KALRN: variants seen among roughly 807,000 people sequenced by gnomAD.
KALRN encodes kalirin.
In KALRN, 70 loss-of-function variants were observed where a neutral mutation model predicts 353.7. The observed-to-expected ratio is 0.20, with a 90% CI of 0.16 to 0.24. KALRN has a LOEUF of 0.24. Ranked by LOEUF, KALRN falls within the 10% of genes least tolerant of loss-of-function variation. The pLI is 1.00. For synonymous variants in KALRN, 1,391 were observed against 1,434.8 expected (o/e 0.97, Z 0.69); for missense variants, 2,791 against 3,756.7 (o/e 0.74, Z 6.72).
At chr3:124,594,782 C>T (rs1368828904) in intron 34 of KALRN, among the ~76,000 whole-genome samples, 1 of 152,108 alleles carries the variant, frequency 6.6e-6, no homozygotes, top group African/African-American at 2.4e-5. Flanking sequence ...TTTATCTCTC[C>T]TCCCCAGGAG....
intron 37 of KALRN, among the ~76,000 whole-genome samples, chr3:124,638,458 C>T (rs1185886824): frequency 2.0e-5 from 3 of 152,148 alleles, no homozygotes; most frequent in Admixed American, 6.5e-5. Context: ...CTGGGCACTA[C>T]ATTGACTTTC....
At chr3:124,398,932 A>C in intron 13 of KALRN, 61 bp downstream of exon 13, 1 of 1,522,244 alleles carries the variant, frequency 6.6e-7, no homozygotes, top group South Asian at 1.3e-5. Context: ...GGCCAAGGGC[A>C]CTGCCCCAGG....
At chr3:124,332,014 T>C (rs527785874) in intron 8 of KALRN, among the ~76,000 whole-genome samples, 65 of 152,296 alleles carry the variant, frequency 4.3e-4, no homozygotes, top group Admixed American at 8.5e-4. Flanking sequence ...AAGAGAGCTC[T>C]CCTGGGTTTC....
chr3:124,635,968 T>C (rs1358281017), intron 36 of KALRN, among the ~76,000 whole-genome samples: 1 of 152,174 alleles, frequency 6.6e-6, no homozygotes, highest in Non-Finnish European at 1.5e-5. Context: ...GCATTTGTTC[T>C]TTTGACTTCT....
chr3:124,353,738 T>A (rs528206934), intron 10 of KALRN, among the ~76,000 whole-genome samples: 1 of 150,254 alleles, frequency 6.7e-6, no homozygotes, highest in South Asian at 2.1e-4. Flanking sequence ...TTAACAAGGA[T>A]GAAAGATTCT....
At chr3:124,098,555 G>T (rs1027556936) in intron 1 of KALRN, among the ~76,000 whole-genome samples, 1 of 152,152 alleles carries the variant, frequency 6.6e-6, no homozygotes, top group Non-Finnish European at 1.5e-5. Flanking sequence ...CCTGCTACAA[G>T]TATCCCCATT....
At position 124,679,412 on chromosome 3, in the gene KALRN, C is replaced by T. The variant is rs188355547; in HGVS notation, c.7318-46C>T. The T allele has an allele frequency of 5.0e-4, 770 of 1,545,574 alleles. 4 individuals carry two copies. Among genetic ancestry groups the T allele is most frequent in the South Asian group, 4.1e-3 (363 of 88,122 alleles). ...CTCTCTAGCAAAAGCTACTTGTGTT[C>T]TAACTGTGTTCTCTTTCTTCCCCCT... is the stretch of plus-strand genomic sequence containing the variant. On this transcript the variant is annotated intron_variant, in intron 50 of 59. Transcript: ENST00000682506.
intron 38 of KALRN, among the ~76,000 whole-genome samples, chr3:124,653,919 C>T (rs763764918): frequency 5.9e-5 from 9 of 152,340 alleles, no homozygotes; most frequent in East Asian, 1.9e-4. Context: ...TCTTTTAATA[C>T]GTCATGGTCT....
chr3:124,494,559 AT>A (rs2063512900), intron 32 of KALRN, among the ~76,000 whole-genome samples: 1 of 152,232 alleles, frequency 6.6e-6, no homozygotes, highest in South Asian at 2.1e-4. Flanking sequence ...TTTACAGCAG[AT>A]TTTCCTTCCT....
chr3:124,355,948 C>T (rs1420072624), intron 10 of KALRN, among the ~76,000 whole-genome samples: 1 of 152,076 alleles, frequency 6.6e-6, no homozygotes, highest in African/African-American at 2.4e-5. Flanking sequence ...CTCCTGACCT[C>T]AAATGATCCA....
chr3:124,208,780 C>T, intron 1 of KALRN, among the ~76,000 whole-genome samples: 1 of 151,950 alleles, frequency 6.6e-6, no homozygotes, highest in Non-Finnish European at 1.5e-5. Flanking sequence ...ATCTGGGCAA[C>T]ATAGGGAGGT....
intron 1 of KALRN, among the ~76,000 whole-genome samples, chr3:124,104,810 G>A (rs529463685): frequency 4.6e-5 from 7 of 152,274 alleles, no homozygotes; most frequent in African/African-American, 1.7e-4. Context: ...AAGTCTTCTC[G>A]GAATATCTGA....
At chr3:124,312,453 G>A (rs886325427) in intron 6 of KALRN, among the ~76,000 whole-genome samples, 23 of 152,274 alleles carry the variant, frequency 1.5e-4, no homozygotes, top group Non-Finnish European at 1.3e-4. Flanking sequence ...GAGCCACTGC[G>A]CCCAGTCTGA....
At chr3:124,393,013 T>C (rs1160623426) in intron 11 of KALRN, among the ~76,000 whole-genome samples, 1 of 142,820 alleles carries the variant, frequency 7.0e-6, no homozygotes, top group Non-Finnish European at 1.5e-5. Flanking sequence ...TTCCCCAGGC[T>C]GGAGTGCAGT....
chr3:124,171,251 G>A (rs1490971506), intron 1 of KALRN, among the ~76,000 whole-genome samples: 2 of 152,192 alleles, frequency 1.3e-5, no homozygotes, highest in African/African-American at 4.8e-5. Context: ...ACTTGGGTTG[G>A]CATCAGCTGG....
chr3:124,677,550 A>C, intron 49 of KALRN: 1 of 456,328 alleles, frequency 2.2e-6, no homozygotes, highest in South Asian at 1.6e-5. Context: ...ATATATTCAC[A>C]AACACTGAGT....
chr3:124,415,281 C>T (rs1214062404), intron 14 of KALRN, among the ~76,000 whole-genome samples: 1 of 152,200 alleles, frequency 6.6e-6, no homozygotes, highest in African/African-American at 2.4e-5. Flanking sequence ...GGAACTTGGG[C>T]AACAGCAAAA....
chr3:124,087,565 A>G (rs1338884477), intron 1 of KALRN, among the ~76,000 whole-genome samples: 1 of 152,174 alleles, frequency 6.6e-6, no homozygotes, highest in Non-Finnish European at 1.5e-5. Flanking sequence ...GTTACCTGTT[A>G]CACTGTAACA....
chr3:124,215,165 G>A (rs1340580966), intron 1 of KALRN, among the ~76,000 whole-genome samples: 1 of 152,198 alleles, frequency 6.6e-6, no homozygotes, highest in Non-Finnish European at 1.5e-5. Flanking sequence ...CAGGAGGAGG[G>A]ACAAATGCAC....
Sources: allele counts gnomAD v4.1 joint callset (sites outside exome capture counted in the v4.1 genomes callset), GRCh38; gene constraint gnomAD v4.1.1; transcripts MANE v1.5; gene names NCBI Gene and HGNC (gene_info 2026-07-23, HGNC 2026-07-21).